Variants in ARHGAP32 observed in about 807,000 individuals in gnomAD.
ARHGAP32 encodes the protein Rho GTPase activating protein 32.
In ARHGAP32, 51 loss-of-function variants were observed where a neutral mutation model predicts 186.5. The ratio of observed to expected loss-of-function variants is 0.27; its 90% CI spans 0.22 to 0.35. ARHGAP32 has a LOEUF of 0.35. ARHGAP32 is among the 10% of genes least tolerant of loss of function. The pLI is 1.00. For synonymous variants in ARHGAP32, 950 were observed against 964.3 expected, an observed-to-expected ratio of 0.99 and a Z score of 0.27; for missense variants, 2,186 against 2,623.5, an observed-to-expected ratio of 0.83 and a Z score of 3.64.
At chr11:128,983,968 T>C (rs1183211188) in intron 15 of ARHGAP32, among the ~76,000 whole-genome samples, 2 of 152,138 alleles carry the variant, frequency 1.3e-5, no homozygotes, top group Non-Finnish European at 2.9e-5. Context: ...TTGTCTAATA[T>C]TGAGAATAAT....
intron 2 of ARHGAP32, among the ~76,000 whole-genome samples, chr11:129,151,298 C>A (rs77077826): frequency 1.2e-3 from 189 of 152,156 alleles, no homozygotes; most frequent in African/African-American, 4.5e-3. Context: ...ATTCAATATT[C>A]CACTGACAGT....
intron 21 of ARHGAP32, 179 bp downstream of exon 21, chr11:128,973,945 G>A: frequency 4.4e-6 from 3 of 677,096 alleles, no homozygotes; most frequent in South Asian, 2.1e-5. Flanking sequence ...GGCCCTTTTG[G>A]GGAGTTTTGT....
chr11:128,987,826 T>G (rs1945921600), intron 13 of ARHGAP32, among the ~76,000 whole-genome samples, 197 bp downstream of exon 13: 1 of 152,172 alleles, frequency 6.6e-6, no homozygotes, highest in Non-Finnish European at 1.5e-5. Context: ...GAGATTAAGG[T>G]GCATGGTTCT....
chr11:129,149,226 G>A (rs1230851128), intron 2 of ARHGAP32, among the ~76,000 whole-genome samples: 6 of 152,204 alleles, frequency 3.9e-5, no homozygotes, highest in Admixed American at 3.9e-4. Context: ...TAATCTTGCT[G>A]CCAGGAAGAA....
At position 128,965,821 on chromosome 11, in the gene ARHGAP32, G is replaced by A. The variant is rs757556552; in HGVS notation, c.*3086C>T. ...AAGGGGCAAATTTCAAATTTACATCGTTTGCATCTATTACTGCTCCAAATG... is the reference window on the plus strand; with the variant it reads ...AAGGGGCAAATTTCAAATTTACATCATTTGCATCTATTACTGCTCCAAATG... On this transcript the variant is annotated 3_prime_UTR_variant, in exon 23 of 23. Coordinates refer to ENST00000682385, the MANE Select transcript of ARHGAP32 (RefSeq NM_001378024.1). 2.0e-5 allele frequency: 3 copies of A among 152,100 alleles called. No homozygotes were observed. 9.4% of individuals were successfully genotyped at this position (152,100 alleles called of 1,614,324 possible). A position where few individuals can be genotyped will look rare whatever the true frequency, so the allele number is the denominator to read the frequency against.
chr11:129,155,992 A>G (rs1943394668), intron 2 of ARHGAP32, among the ~76,000 whole-genome samples: 1 of 152,180 alleles, frequency 6.6e-6, no homozygotes, highest in Non-Finnish European at 1.5e-5. Context: ...TCCCTCTCCT[A>G]GCCAAGGGAA....
chr11:129,066,649 G>A (rs1027304982), intron 7 of ARHGAP32, 82 bp downstream of exon 7: 2 of 1,360,984 alleles, frequency 1.5e-6, no homozygotes, highest in Non-Finnish European at 2.0e-6. Context: ...TTCAGTATAA[G>A]CTTTTGTTTA....
intron 1 of ARHGAP32, among the ~76,000 whole-genome samples, chr11:129,229,295 A>G (rs1356039530): frequency 6.6e-6 from 1 of 152,206 alleles, no homozygotes; most frequent in African/African-American, 2.4e-5. Context: ...GAATTTGTAT[A>G]AACAGATGCA....
chr11:129,266,018 TA>T (rs923701242), intron 1 of ARHGAP32, among the ~76,000 whole-genome samples: 2 of 151,972 alleles, frequency 1.3e-5, no homozygotes, highest in South Asian at 2.1e-4. Flanking sequence ...ATATTTAGAT[TA>T]AAAAATAACA....
intron 2 of ARHGAP32, among the ~76,000 whole-genome samples, chr11:129,159,958 TAACAA>T (rs1002006156): frequency 6.6e-6 from 1 of 151,972 alleles, no homozygotes; most frequent in Non-Finnish European, 1.5e-5. Context: ...ACAGAACCAA[TAACAA>T]AACAGAACCA....
intron 6 of ARHGAP32, among the ~76,000 whole-genome samples, chr11:129,074,898 C>T (rs566976208): frequency 2.0e-5 from 3 of 152,242 alleles, no homozygotes; most frequent in African/African-American, 4.8e-5. Flanking sequence ...CATAAGTGTT[C>T]TCACCACACA....
chr11:129,032,384 C>T (rs1939152788), intron 11 of ARHGAP32, among the ~76,000 whole-genome samples: 1 of 152,170 alleles, frequency 6.6e-6, no homozygotes, highest in Non-Finnish European at 1.5e-5. Context: ...GGGAACTATT[C>T]CATTTCAATT....
chr11:129,021,265 C>G (rs1296540190), intron 11 of ARHGAP32, among the ~76,000 whole-genome samples: 1 of 151,952 alleles, frequency 6.6e-6, no homozygotes, highest in Non-Finnish European at 1.5e-5. Flanking sequence ...CTTTTAGACA[C>G]AGAAGAGGTA....
chr11:129,254,170 GGGGA>G (rs1945225121), intron 1 of ARHGAP32, among the ~76,000 whole-genome samples: 1 of 151,968 alleles, frequency 6.6e-6, no homozygotes, highest in South Asian at 2.1e-4. Context: ...ATTGAAAGGG[GGGGA>G]AATATTTATA....
intron 1 of ARHGAP32, among the ~76,000 whole-genome samples, chr11:129,253,309 G>C (rs1466116379): frequency 6.6e-6 from 1 of 152,068 alleles, no homozygotes; most frequent in Admixed American, 6.5e-5. Flanking sequence ...CATAATGTAT[G>C]GCTAGGTAGG....
chr11:129,122,600 A>G (rs1184586953), intron 5 of ARHGAP32, among the ~76,000 whole-genome samples: 1 of 152,134 alleles, frequency 6.6e-6, no homozygotes, highest in Non-Finnish European at 1.5e-5. Context: ...TAAACTGTCA[A>G]TTTATTTGAA....
At chr11:129,267,138 T>C (rs1945412804) in intron 1 of ARHGAP32, among the ~76,000 whole-genome samples, 1 of 152,148 alleles carries the variant, frequency 6.6e-6, no homozygotes, top group Non-Finnish European at 1.5e-5. Flanking sequence ...GGAGGGTAGA[T>C]GACTTGAGAT....
intron 2 of ARHGAP32, among the ~76,000 whole-genome samples, chr11:129,158,098 C>T (rs1397954451): frequency 6.6e-6 from 1 of 152,126 alleles, no homozygotes; most frequent in African/African-American, 2.4e-5. Context: ...AAAGGAAAAA[C>T]CGGTAGCAGC....
At chr11:129,142,705 C>A (rs1943081553) in intron 2 of ARHGAP32, among the ~76,000 whole-genome samples, 2 of 138,364 alleles carry the variant, frequency 1.4e-5, no homozygotes, top group South Asian at 5.3e-4. Context: ...ACCAGGATTG[C>A]TCTTTTTCTT....
Sources: gnomAD v4.1 joint callset for allele counts (sites outside exome capture counted in the v4.1 genomes callset) on GRCh38, gnomAD v4.1.1 for gene constraint, MANE v1.5 for transcripts, NCBI Gene and HGNC (gene_info 2026-07-23, HGNC 2026-07-21) for gene names.